Variants in DENND4C observed in about 807,000 individuals in gnomAD.
The protein encoded by DENND4C is DENN domain-containing protein 4C.
In DENND4C, 108 loss-of-function variants were observed where a neutral mutation model predicts 203.0. That is an observed-to-expected ratio of 0.53 (90% confidence interval 0.46 to 0.62). The LOEUF (loss-of-function observed/expected upper bound fraction) is 0.62. Among genes scored for constraint, DENND4C ranks in the 20% least tolerant of loss-of-function variants. The probability of loss-of-function intolerance (pLI) is 0.00; values close to 1 mark genes in which losing one functional copy is unlikely to be tolerated. For missense variants in DENND4C, 2,481 were observed against 2,301.2 expected (o/e 1.08, Z -1.60); for synonymous variants, 871 against 792.4 (o/e 1.10, Z -1.67).
chr9:19,352,013 C>T lies in DENND4C; in HGVS notation c.4496-60C>T. ...TGTCCCCCCTAAATACTTTGGCATG[C>T]ATTTTCAAAAAACAAGGACATTCCT... is the stretch of plus-strand genomic sequence containing the variant. On this transcript the variant is annotated intron_variant, in intron 24 of 32. Transcript: ENST00000434457. The T allele has an allele frequency of 3.6e-6, 5 of 1,407,016 alleles. No homozygotes were observed. The South Asian group carries it at 5.9e-5, about 17-fold the overall frequency. The allele number at this position is 1,407,016 out of a possible 1,614,324, so 87.2% of individuals were successfully genotyped here.
chr9:19,254,631 C>T (rs1827478406), intron 1 of DENND4C, among the ~76,000 whole-genome samples: 2 of 151,992 alleles, frequency 1.3e-5, no homozygotes, highest in Admixed American at 1.3e-4. Context: ...AGCATGGTTA[C>T]TATAGTTGAT....
chr9:19,334,052 A>T (rs922914416), intron 17 of DENND4C, among the ~76,000 whole-genome samples: 7 of 151,814 alleles, frequency 4.6e-5, no homozygotes, highest in South Asian at 2.1e-4. Context: ...TTATTTATTT[A>T]TTTTTTATTT....
At chr9:19,325,858 C>T in intron 13 of DENND4C, 81 bp from the exon 14 acceptor site, 1 of 1,411,072 alleles carries the variant, frequency 7.1e-7, no homozygotes, top group Non-Finnish European at 9.8e-7. Flanking sequence ...TAGTTTTTTT[C>T]TAAATCAGAA....
chr9:19,324,634 T>C, intron 13 of DENND4C, 127 bp downstream of exon 13: 1 of 945,284 alleles, frequency 1.1e-6, no homozygotes, highest in South Asian at 1.9e-5. Context: ...TGTGTGTATG[T>C]GTTACCGATT....
intron 16 of DENND4C, among the ~76,000 whole-genome samples, chr9:19,329,666 T>C (rs1333293518): frequency 6.6e-6 from 1 of 152,202 alleles, no homozygotes; most frequent in African/African-American, 2.4e-5. Context: ...TTCCCACCAG[T>C]AGTGTATGAG....
In DENND4C at chr9:19,335,090, T is replaced by C. The variant is rs773987017; in HGVS notation, c.2574T>C (p.Tyr858=). ...GGATAAAGCCTAATGCTATTACTTA[T>C]GGTTATTATAATAAGGTAAGTAGGA... ...TARIKPNAIT[Y]GYYNKVVLES... is the part of the protein sequence containing the mutation. Residue 858 remains tyrosine (Y), a synonymous_variant, in exon 18 of 33, where the codon TAT becomes TAC. Coordinates refer to ENST00000434457, the MANE Select transcript of DENND4C (RefSeq NM_001330640.2). The C allele has an allele frequency of 3.7e-5, 59 of 1,597,950 alleles. No individual in the cohort carries two copies. The highest frequency in any genetic ancestry group is 8.8e-5 in the Admixed American group (5 of 57,110).
chr9:19,306,520 G>A (rs577852085), intron 10 of DENND4C, among the ~76,000 whole-genome samples: 2 of 152,054 alleles, frequency 1.3e-5, no homozygotes, highest in African/African-American at 4.8e-5. Context: ...TTGTTTGTAG[G>A]CTACTCTCCC....
At chr9:19,338,045 C>G (rs938684310) in intron 20 of DENND4C, among the ~76,000 whole-genome samples, 1 of 152,128 alleles carries the variant, frequency 6.6e-6, no homozygotes, top group African/African-American at 2.4e-5. Flanking sequence ...CTAAAAACAA[C>G]CTTCACATAA....
intron 10 of DENND4C, among the ~76,000 whole-genome samples, chr9:19,312,248 C>T (rs1341475479): frequency 6.6e-6 from 1 of 152,034 alleles, no homozygotes; most frequent in East Asian, 1.9e-4. Context: ...GGATTACAGG[C>T]GTGTACACCG....
chr9:19,310,630 A>T lies in DENND4C; in HGVS notation c.1487+5103A>T, dbSNP rs182914129. On this transcript the variant is annotated intron_variant, in intron 10 of 32. Transcript: ENST00000434457. ...ATTAAGGAATTTACCTTCTACTTCT[A>T]TGTCATTAAAATTTTTTTTAAATCA... 1.5e-3 allele frequency among the ~76,000 whole-genome samples: 227 copies of T among 152,272 alleles called. 1 individual carries two copies. The highest frequency in any genetic ancestry group is 2.7e-3 in the Non-Finnish European group (187 of 68,020).
chr9:19,276,506 A>G, intron 2 of DENND4C, 27 bp downstream of exon 2: 6 of 1,214,964 alleles, frequency 4.9e-6, no homozygotes, highest in Non-Finnish European at 6.2e-6. Flanking sequence ...TCTTTGCTAT[A>G]GTGAAGGAGT....
At chr9:19,285,632 C>G (rs1324632111) in intron 2 of DENND4C, among the ~76,000 whole-genome samples, 1 of 140,990 alleles carries the variant, frequency 7.1e-6, no homozygotes, top group Non-Finnish European at 1.5e-5. Context: ...GGTGTCATAT[C>G]TAAGAAGGCT....
Position 19,345,986 on chromosome 9 carries a change from A to G in DENND4C, c.3217A>G (p.Thr1073Ala), listed in dbSNP as rs138867278. ...PVEDAVFGEA[T>A]NLKKNGDRGE... ...TGAAGATGCAGTCTTTGGCGAAGCT[A>G]CTAATCTCAAGAAGAATGGTGATAG... Residue 1073 changes from threonine to alanine, a missense_variant, in exon 23 of 33, where the codon ACT (threonine) becomes GCT (alanine). Thr to Ala is a moderately conservative substitution (Grantham distance 58). Transcript: ENST00000434457. 50 of 1,614,116 alleles carry G rather than the reference A, an allele frequency of 3.1e-5. 1 individual carries two copies. In the African/African-American group the frequency reaches 4.0e-4, roughly 13 times the overall value.
intron 1 of DENND4C, among the ~76,000 whole-genome samples, chr9:19,249,508 G>C (rs1454834044): frequency 6.6e-5 from 10 of 151,898 alleles, no homozygotes; most frequent in Non-Finnish European, 2.9e-5. Context: ...CACCTGCCTC[G>C]GCCTCCCAAA....
chr9:19,323,192 T>C (rs1200719076), intron 12 of DENND4C, among the ~76,000 whole-genome samples: 2 of 152,162 alleles, frequency 1.3e-5, no homozygotes, highest in Admixed American at 6.5e-5. Flanking sequence ...CCCAGAACTT[T>C]GGGAGGCCAA....
At chr9:19,238,954 A>G (rs1022284006) in intron 1 of DENND4C, among the ~76,000 whole-genome samples, 4 of 151,530 alleles carry the variant, frequency 2.6e-5, no homozygotes, top group African/African-American at 9.7e-5. Context: ...TGCCTAGCCT[A>G]TAATATTCCT....
At chr9:19,351,812 AAAAAAAAG>A (rs1824198394) in intron 24 of DENND4C, among the ~76,000 whole-genome samples, 1 of 147,624 alleles carries the variant, frequency 6.8e-6, no homozygotes, top group Admixed American at 6.6e-5. Context: ...ATCTAAAAAA[AAAAAAAAG>A]AAAAGAAAAA....
chr9:19,275,097 C>T (rs1471799316), intron 1 of DENND4C, among the ~76,000 whole-genome samples: 1 of 151,970 alleles, frequency 6.6e-6, no homozygotes, highest in African/African-American at 2.4e-5. Flanking sequence ...CCTGCCTCAG[C>T]CTCCCGAGTA....
chr9:19,351,625 A>G (rs1382133385), intron 24 of DENND4C, among the ~76,000 whole-genome samples: 1 of 151,978 alleles, frequency 6.6e-6, no homozygotes, highest in Non-Finnish European at 1.5e-5. Context: ...TGGGCAACAC[A>G]GTGAAACCGT....
Sources: gnomAD v4.1 joint callset for allele counts (sites outside exome capture counted in the v4.1 genomes callset) on GRCh38, gnomAD v4.1.1 for gene constraint, MANE v1.5 for transcripts, NCBI Gene and HGNC (gene_info 2026-07-23, HGNC 2026-07-21) for gene names.